The following KIAA1549 variants were observed in gnomAD, a reference collection of about 807,000 sequenced individuals.
The protein encoded by KIAA1549 is UPF0606 protein KIAA1549.
In KIAA1549, 70 loss-of-function variants were observed where a neutral mutation model predicts 156.4. The ratio of observed to expected loss-of-function variants is 0.45; its 90% confidence interval spans 0.37 to 0.55. The LOEUF (loss-of-function observed/expected upper bound fraction) is 0.55. Ranked by LOEUF, KIAA1549 falls within the 20% of genes least tolerant of loss-of-function variation. The pLI is 0.00. For missense variants in KIAA1549, 2,428 were observed against 2,540.9 expected (o/e 0.96, Z 0.96); for synonymous variants, 1,103 against 1,066.4 (o/e 1.03, Z -0.67).
chr7:138,842,687 C>CT (rs1809958669), intron 18 of KIAA1549, among the ~76,000 whole-genome samples: 1 of 101,700 alleles, frequency 9.8e-6, no homozygotes, highest in African/African-American at 3.8e-5. Flanking sequence ...AACAAAAACT[C>CT]TGTCTCAAAA....
At chr7:138,908,623 T>C (rs1399625356) in intron 5 of KIAA1549, among the ~76,000 whole-genome samples, 1 of 152,226 alleles carries the variant, frequency 6.6e-6, no homozygotes, top group Admixed American at 6.5e-5. Flanking sequence ...GCAGTTTCCA[T>C]ATGATACGTA....
chr7:138,838,257 G>A (rs1015746073), intron 19 of KIAA1549, 97 bp from the exon 20 acceptor site: 34 of 1,285,282 alleles, frequency 2.6e-5, no homozygotes, highest in South Asian at 3.2e-5. Context: ...GACTGCCCAC[G>A]TCCATCCACC....
chr7:138,842,922 T>G (rs1319633668), intron 18 of KIAA1549, among the ~76,000 whole-genome samples: 1 of 152,328 alleles, frequency 6.6e-6, no homozygotes, highest in East Asian at 1.9e-4. Flanking sequence ...AATGCCGTGA[T>G]AAATATCTTG....
chr7:138,885,691 C>T (rs1811370350), intron 10 of KIAA1549, among the ~76,000 whole-genome samples: 1 of 152,172 alleles, frequency 6.6e-6, no homozygotes, highest in Non-Finnish European at 1.5e-5. Flanking sequence ...TTGGAATAAA[C>T]CTCTTTAAGA....
At chr7:138,916,446 T>C (rs1479942767) in intron 2 of KIAA1549, among the ~76,000 whole-genome samples, 1 of 152,252 alleles carries the variant, frequency 6.6e-6, no homozygotes, top group African/African-American at 2.4e-5. Flanking sequence ...CGTGCATGCC[T>C]CTGATGTACT....
At chr7:138,909,993 T>G (rs775548580) in intron 4 of KIAA1549, among the ~76,000 whole-genome samples, 1 of 152,108 alleles carries the variant, frequency 6.6e-6, no homozygotes, top group Non-Finnish European at 1.5e-5. Flanking sequence ...CATATACATG[T>G]TTAAAGTCTT....
intron 6 of KIAA1549, among the ~76,000 whole-genome samples, chr7:138,905,616 A>G (rs1404500083): frequency 2.0e-5 from 3 of 152,266 alleles, no homozygotes; most frequent in Non-Finnish European, 4.4e-5. Flanking sequence ...ACAATACACT[A>G]AAATACACTA....
chr7:138,961,875 A>G (rs901143447), intron 1 of KIAA1549, among the ~76,000 whole-genome samples: 2 of 151,942 alleles, frequency 1.3e-5, no homozygotes, highest in African/African-American at 4.8e-5. Flanking sequence ...AGAAAAGGAA[A>G]AAGAAAAGAA....
At chr7:138,856,646 A>G (rs1392473597) in intron 16 of KIAA1549, among the ~76,000 whole-genome samples, 1 of 152,184 alleles carries the variant, frequency 6.6e-6, no homozygotes, top group East Asian at 1.9e-4. Context: ...GATGACATGT[A>G]GGCTCCATAA....
intron 2 of KIAA1549, among the ~76,000 whole-genome samples, chr7:138,913,336 A>G (rs1490603528): frequency 6.6e-6 from 1 of 152,232 alleles, no homozygotes; most frequent in Non-Finnish European, 1.5e-5. Context: ...ACATATTAAA[A>G]TTTTATGTAG....
intron 1 of KIAA1549, among the ~76,000 whole-genome samples, chr7:138,930,938 C>A (rs1033558066): frequency 2.6e-5 from 4 of 152,164 alleles, no homozygotes; most frequent in African/African-American, 9.7e-5. Flanking sequence ...CTTTTGACTG[C>A]AAGTGAGAGA....
chr7:138,911,089 T>TA (rs11379929), intron 4 of KIAA1549, 57 bp downstream of exon 4: 320,759 of 1,052,892 alleles, frequency 0.3, 33,258 homozygotes, highest in African/African-American at 0.53. Flanking sequence ...TTTAGAAAGA[T>TA]AAAAAAAAAA....
At chr7:138,974,561 A>G (rs1814315684) in intron 1 of KIAA1549, among the ~76,000 whole-genome samples, 1 of 152,034 alleles carries the variant, frequency 6.6e-6, no homozygotes, top group African/African-American at 2.4e-5. Flanking sequence ...AGCTGGGATT[A>G]CAGGCACCCA....
chr7:138,910,255 A>T (rs989614888), intron 4 of KIAA1549, among the ~76,000 whole-genome samples: 3 of 151,996 alleles, frequency 2.0e-5, no homozygotes, highest in African/African-American at 4.8e-5. Context: ...TTAAATAATA[A>T]GGTCAGGTGT....
At chr7:138,938,900 T>G (rs1316820627) in intron 1 of KIAA1549, among the ~76,000 whole-genome samples, 1 of 151,944 alleles carries the variant, frequency 6.6e-6, no homozygotes, top group African/African-American at 2.4e-5. Context: ...ACACAAAAAT[T>G]AGCCAGGCGT....
At chr7:138,877,066 G>A (rs1445535356) in intron 12 of KIAA1549, among the ~76,000 whole-genome samples, 1 of 152,194 alleles carries the variant, frequency 6.6e-6, no homozygotes, top group Non-Finnish European at 1.5e-5. Context: ...CCGCAGGAGT[G>A]AGAGGGAACG....
Position 138,861,232 on chromosome 7 carries a change from C to T in KIAA1549, c.5154G>A (p.Leu1718=). The change falls in exon 16 of 20, where the codon CTG becomes CTA. Residue 1718 remains leucine, a synonymous_variant. Coordinates refer to ENST00000422774, the MANE Select transcript of KIAA1549 (RefSeq NM_001164665.2). ...AGVGPGVPPG[L]PANSTPSQEE... is the part of the protein sequence containing the mutation. ...CCTGGGAAGGGGTGCTGTTTGCGGG[C>T]AGGCCGGGTGGGACTCCGGGGCCTA... is the stretch of plus-strand genomic sequence containing the variant. 1 of 1,613,176 alleles carries T rather than the reference C, an allele frequency of 6.2e-7. No individual in the cohort carries two copies. Among genetic ancestry groups the T allele is most frequent in the Non-Finnish European group, 8.5e-7 (1 of 1,179,744 alleles).
At chr7:138,852,405 C>T (rs1328005100) in intron 16 of KIAA1549, 136 bp from the exon 17 acceptor site, 8 of 612,314 alleles carry the variant, frequency 1.3e-5, no homozygotes, top group South Asian at 1.1e-4. Context: ...AGCATGTTAC[C>T]GGGCACTCTG....
In KIAA1549 at chr7:138,834,811, T is replaced by G. The variant is rs1437499999; in HGVS notation, c.*3095A>C. 1 of 232,240 alleles carries G rather than the reference T, an allele frequency of 4.3e-6. No individual in the cohort carries two copies. The highest frequency in any genetic ancestry group is 6.1e-5 in the East Asian group (1 of 16,496). The allele number at this position is 232,240 out of a possible 1,614,324, so 14.4% of individuals were successfully genotyped here. A position where few individuals can be genotyped will look rare whatever the true frequency, so the allele number is the denominator to read the frequency against. On this transcript the variant is annotated 3_prime_UTR_variant, in exon 20 of 20. Transcript: ENST00000422774. Reference sequence around the variant, plus strand: ...CATGCTACATTTTCACAGTGCTTTATGCTCCCTCCTCACAGGACATCTGCA... The same window carrying G: ...CATGCTACATTTTCACAGTGCTTTAGGCTCCCTCCTCACAGGACATCTGCA...
Sources: gnomAD v4.1 joint callset for allele counts (sites outside exome capture counted in the v4.1 genomes callset) on GRCh38, gnomAD v4.1.1 for gene constraint, MANE v1.5 for transcripts, NCBI Gene and HGNC (gene_info 2026-07-23, HGNC 2026-07-21) for gene names.